PSMB7: variants seen among roughly 807,000 people sequenced by gnomAD.
The protein encoded by PSMB7 is proteasome 20S subunit beta 7, also known as proteasome subunit beta type-7.
In PSMB7, 5 loss-of-function variants were observed where a neutral mutation model predicts 28.1. The observed-to-expected ratio is 0.18, with a 90% confidence interval of 0.09 to 0.37. PSMB7 has a LOEUF of 0.37. Among genes scored for constraint, PSMB7 ranks in the 10% least tolerant of loss-of-function variants. The pLI, the probability that PSMB7 is intolerant of heterozygous loss-of-function variation, is 1.00. For missense variants in PSMB7, 275 were observed against 346.2 expected (o/e 0.79, Z 1.63); for synonymous variants, 122 against 123.7 (o/e 0.99, Z 0.09).
chr9:124,410,001 G>T (rs977236739), intron 4 of PSMB7, among the ~76,000 whole-genome samples: 4 of 127,332 alleles, frequency 3.1e-5, no homozygotes, highest in South Asian at 2.5e-4. Flanking sequence ...TGAAAAAAGA[G>T]AATTTAGAAT....
At chr9:124,372,427 T>A (rs936331127) in intron 6 of PSMB7, among the ~76,000 whole-genome samples, 4 of 152,246 alleles carry the variant, frequency 2.6e-5, no homozygotes, top group African/African-American at 9.6e-5. Flanking sequence ...TCATTACTCC[T>A]CTAAGAACTG....
At chr9:124,358,526 G>T (rs1830435781) in intron 6 of PSMB7, among the ~76,000 whole-genome samples, 1 of 152,188 alleles carries the variant, frequency 6.6e-6, no homozygotes, top group South Asian at 2.1e-4. Context: ...AGTCTATGGG[G>T]CCAGAAGCTT....
intron 6 of PSMB7, among the ~76,000 whole-genome samples, chr9:124,375,539 G>A (rs991384228): frequency 6.6e-6 from 1 of 151,948 alleles, no homozygotes; most frequent in South Asian, 2.1e-4. Context: ...CCAGACAAAC[G>A]AGATACCGAA....
intron 6 of PSMB7, among the ~76,000 whole-genome samples, chr9:124,359,975 C>A (rs750457738): frequency 2.0e-5 from 3 of 152,242 alleles, no homozygotes; most frequent in African/African-American, 7.2e-5. Context: ...AAAGGCTCTA[C>A]TGTCCACCCA....
chr9:124,365,586 A>G (rs1381734580), intron 6 of PSMB7, among the ~76,000 whole-genome samples: 1 of 152,224 alleles, frequency 6.6e-6, no homozygotes, highest in East Asian at 1.9e-4. Flanking sequence ...CATTTTGGAC[A>G]ACAACGGACT....
intron 5 of PSMB7, among the ~76,000 whole-genome samples, chr9:124,387,029 A>G (rs111263387): frequency 0.084 from 12,754 of 152,096 alleles, 953 homozygotes; most frequent in African/African-American, 0.19. Context: ...GGCGGATCAC[A>G]AGGTGAGGAG....
intron 6 of PSMB7, among the ~76,000 whole-genome samples, chr9:124,381,547 C>G (rs1830664523): frequency 6.6e-6 from 1 of 152,220 alleles, no homozygotes; most frequent in African/African-American, 2.4e-5. Context: ...CAGGCTTAGT[C>G]ACCCAATTCT....
chr9:124,373,142 T>C (rs1307639012), intron 6 of PSMB7, among the ~76,000 whole-genome samples: 1 of 152,216 alleles, frequency 6.6e-6, no homozygotes, highest in Non-Finnish European at 1.5e-5. Context: ...CAACAGAGTT[T>C]CTCATCATCA....
At chr9:124,354,611 G>C (rs1830379204) in intron 7 of PSMB7, among the ~76,000 whole-genome samples, 1 of 152,230 alleles carries the variant, frequency 6.6e-6, no homozygotes, top group Non-Finnish European at 1.5e-5. Context: ...TCTGCATCCA[G>C]GTCAGGAGCA....
chr9:124,408,032 G>A (rs534178302), intron 4 of PSMB7, among the ~76,000 whole-genome samples: 11 of 152,118 alleles, frequency 7.2e-5, no homozygotes, highest in African/African-American at 1.9e-4. Flanking sequence ...ACATGGTGGC[G>A]TGGGCCTTTA....
chr9:124,389,017 C>T (rs1830756354), intron 5 of PSMB7, among the ~76,000 whole-genome samples: 1 of 152,164 alleles, frequency 6.6e-6, no homozygotes, highest in Non-Finnish European at 1.5e-5. Flanking sequence ...AGGCCAACTA[C>T]CCAAATGAGG....
intron 5 of PSMB7, among the ~76,000 whole-genome samples, chr9:124,402,440 A>G (rs1338827005): frequency 2.6e-5 from 4 of 152,236 alleles, no homozygotes; most frequent in Non-Finnish European, 4.4e-5. Context: ...CTTTGTATCA[A>G]TGTCAAACTT....
At chr9:124,412,607 T>C in intron 3 of PSMB7, 115 bp from the exon 4 acceptor site, 2 of 1,071,064 alleles carry the variant, frequency 1.9e-6, no homozygotes, top group South Asian at 3.2e-5. Flanking sequence ...TGTTTTTGAG[T>C]ATATCTATGC....
chr9:124,394,226 C>G (rs1399245562), intron 5 of PSMB7, among the ~76,000 whole-genome samples: 1 of 152,230 alleles, frequency 6.6e-6, no homozygotes, highest in Non-Finnish European at 1.5e-5. Context: ...GAACTCAGAT[C>G]TGGTTAACAG....
At chr9:124,378,631 C>A (rs922069854) in intron 6 of PSMB7, among the ~76,000 whole-genome samples, 2 of 152,146 alleles carry the variant, frequency 1.3e-5, no homozygotes, top group South Asian at 4.2e-4. Flanking sequence ...AATCTTCTAC[C>A]CATTTTAATG....
At chr9:124,392,293 C>A (rs1295717399) in intron 5 of PSMB7, among the ~76,000 whole-genome samples, 3 of 152,230 alleles carry the variant, frequency 2.0e-5, no homozygotes, top group Non-Finnish European at 4.4e-5. Flanking sequence ...GGTGCCCACG[C>A]AGGAGCAGCA....
chr9:124,404,195 T>C (rs1830940557), intron 5 of PSMB7, among the ~76,000 whole-genome samples: 1 of 152,122 alleles, frequency 6.6e-6, no homozygotes, highest in Admixed American at 6.5e-5. Flanking sequence ...GGCCCTGATC[T>C]TTCTATTTAA....
At chr9:124,393,223 C>T (rs1195132877) in intron 5 of PSMB7, among the ~76,000 whole-genome samples, 5 of 152,144 alleles carry the variant, frequency 3.3e-5, no homozygotes, top group African/African-American at 4.8e-5. Flanking sequence ...TCTCACTGCT[C>T]GGTAAAACAG....
chr9:124,360,500 A>G (rs758284556), intron 6 of PSMB7, among the ~76,000 whole-genome samples: 49 of 152,380 alleles, frequency 3.2e-4, no homozygotes, highest in Non-Finnish European at 5.6e-4. Context: ...CCAGGGAGGC[A>G]TCTGCCCCCA....
Sources: gnomAD v4.1 joint callset for allele counts (sites outside exome capture counted in the v4.1 genomes callset) on GRCh38, gnomAD v4.1.1 for gene constraint, MANE v1.5 for transcripts, NCBI Gene and HGNC (gene_info 2026-07-23, HGNC 2026-07-21) for gene names.